ANKRD29: variants seen among roughly 807,000 people sequenced by gnomAD.
ANKRD29 encodes the protein ankyrin repeat domain 29.
In ANKRD29, 32 loss-of-function variants were observed where a neutral mutation model predicts 38.0. That is an observed-to-expected ratio of 0.84 (90% CI 0.64 to 1.13). ANKRD29 has a LOEUF of 1.13. Among genes scored for constraint, ANKRD29 ranks in the 50% most tolerant of loss-of-function variants. The pLI is 0.00. For synonymous variants in ANKRD29, 135 were observed against 152.4 expected (o/e 0.89, Z 0.84); for missense variants, 357 against 377.9 (o/e 0.94, Z 0.46).
Position 23,662,771 on chromosome 18 carries a change from CG to C in ANKRD29, c.-42del, listed in dbSNP as rs1458983108. On this transcript the variant is annotated 5_prime_UTR_variant, in exon 1 of 10. Transcript: ENST00000592179. ...AGCGGGAGCCGGCGCGCTTTGGGCC[CG>C]GGGCGCCTTGTCCTCCCCGGCCCTT... is the stretch of plus-strand genomic sequence containing the variant. 4.8e-6 allele frequency: 7 copies of C among 1,446,484 alleles called. No homozygotes were observed. The highest frequency in any genetic ancestry group is 6.4e-6 in the Non-Finnish European group (7 of 1,101,940). The allele number at this position is 1,446,484 out of a possible 1,614,324, so 89.6% of individuals were successfully genotyped here. A position where few individuals can be genotyped will look rare whatever the true frequency, so the allele number is the denominator to read the frequency against.
chr18:23,616,389 T>C (rs907127283), intron 8 of ANKRD29, among the ~76,000 whole-genome samples: 1 of 149,658 alleles, frequency 6.7e-6, no homozygotes, highest in African/African-American at 2.4e-5. Flanking sequence ...ATTAGATGGG[T>C]GCAGTGGTGT....
At chr18:23,644,513 A>T (rs2060114960) in intron 3 of ANKRD29, among the ~76,000 whole-genome samples, 1 of 152,244 alleles carries the variant, frequency 6.6e-6, no homozygotes, top group Non-Finnish European at 1.5e-5. Flanking sequence ...ATCTAGTGTT[A>T]TGGAAATTGC....
At chr18:23,653,846 C>T (rs1356108965) in intron 1 of ANKRD29, among the ~76,000 whole-genome samples, 2 of 151,832 alleles carry the variant, frequency 1.3e-5, no homozygotes, top group East Asian at 1.9e-4. Context: ...GCTGAGATTA[C>T]AGGCATGAGC....
intron 9 of ANKRD29, among the ~76,000 whole-genome samples, chr18:23,601,703 T>C (rs2059514460): frequency 6.6e-6 from 1 of 152,184 alleles, no homozygotes; most frequent in South Asian, 2.1e-4. Context: ...AGGGTCTTGC[T>C]CTGTCACCCA....
In ANKRD29 at chr18:23,654,618, CAAAAAAAAAAAAA is replaced by C. The variant is rs1167970950; in HGVS notation, c.22-5438_22-5426del. Among the ~76,000 whole-genome samples the C allele has an allele frequency of 5.1e-3, 255 of 50,396 alleles. 1 individual carries two copies. The highest frequency in any genetic ancestry group is 0.015 in the African/African-American group (238 of 15,998). The allele number at this position is 50,396 out of a possible 152,430, so 33.1% of individuals were successfully genotyped here. A position where few individuals can be genotyped will look rare whatever the true frequency, so the allele number is the denominator to read the frequency against. The stretch of plus-strand genomic sequence containing the variant: ...TGGGTGACAGAGCAAGACTCTGTCT[CAAAAAAAAAAAAA>C]AAAAAAAAAAAGTCTGATAGTCTGT... On this transcript the variant is annotated intron_variant, in intron 1 of 9. Transcript: ENST00000592179.
rs147363749 is a variant in ANKRD29, at chr18:23,635,053, C to T, written c.331-904G>A. On this transcript the variant is annotated intron_variant, in intron 4 of 9. Coordinates refer to ENST00000592179, the MANE Select transcript of ANKRD29 (RefSeq NM_173505.4). ...CTTAGTATTTTCCTTTTAACATGTG[C>T]CAATTTGTCCAGGGCTCTTTAAAAG... Among the ~76,000 whole-genome samples, 117 of 152,274 alleles carry T rather than the reference C, an allele frequency of 7.7e-4. 2 individuals carry two copies. Among genetic ancestry groups the T allele is most frequent in the Non-Finnish European group, 1.5e-3 (102 of 68,030 alleles).
chr18:23,634,136 G>A lies in ANKRD29; in HGVS notation c.344C>T (p.Ala115Val). Reference sequence around the variant, plus strand: ...CCCGTACTGACTGGCAGCCAACAGGGCGGTGCCCCCGTCCTATGGACATGC... The same window carrying A: ...CCCGTACTGACTGGCAGCCAACAGGACGGTGCCCCCGTCCTATGGACATGC... ...TEFRTKDGGT[A>V]LLAASQYGHM... Residue 115 changes from alanine to valine, a missense_variant, in exon 5 of 10, where the codon GCC becomes GTC. Ala to Val is a moderately conservative substitution (Grantham distance 64). Coordinates refer to ENST00000592179, the MANE Select transcript of ANKRD29 (RefSeq NM_173505.4). 1 of 1,614,184 alleles carries A rather than the reference G, an allele frequency of 6.2e-7. No homozygotes were observed. Among genetic ancestry groups the A allele is most frequent in the East Asian group, 2.2e-5 (1 of 44,888 alleles).
chr18:23,638,566 A>C (rs1343248325), intron 4 of ANKRD29, among the ~76,000 whole-genome samples: 1 of 152,196 alleles, frequency 6.6e-6, no homozygotes, highest in Admixed American at 6.5e-5. Context: ...TGGTTACAAA[A>C]TTTAGTGTTC....
At chr18:23,602,255 T>G (rs1244211287) in intron 9 of ANKRD29, among the ~76,000 whole-genome samples, 1 of 152,002 alleles carries the variant, frequency 6.6e-6, no homozygotes, top group African/African-American at 2.4e-5. Context: ...AGGCTGGTCT[T>G]GAACTCCTGA....
intron 8 of ANKRD29, among the ~76,000 whole-genome samples, chr18:23,614,883 G>A (rs1202785192): frequency 6.6e-6 from 1 of 152,128 alleles, no homozygotes; most frequent in Non-Finnish European, 1.5e-5. Flanking sequence ...ACTCTGAGAG[G>A]ACAGTCCTAA....
chr18:23,609,510 TC>T (rs34106759), intron 9 of ANKRD29, among the ~76,000 whole-genome samples: 1 of 152,148 alleles, frequency 6.6e-6, no homozygotes, highest in Non-Finnish European at 1.5e-5. Context: ...CCACTGCAAG[TC>T]CCCTGTCCTG....
chr18:23,655,982 A>G (rs2060276286), intron 1 of ANKRD29, among the ~76,000 whole-genome samples: 1 of 147,946 alleles, frequency 6.8e-6, no homozygotes, highest in African/African-American at 2.5e-5. Flanking sequence ...AGTCCCAGCT[A>G]CTCGGGAGGC....
chr18:23,638,477 A>T (rs889883588), intron 4 of ANKRD29, among the ~76,000 whole-genome samples: 2 of 152,184 alleles, frequency 1.3e-5, no homozygotes, highest in Non-Finnish European at 2.9e-5. Flanking sequence ...TTCCTATCAT[A>T]GTATCAGAAT....
At chr18:23,632,777 A>G (rs942962397) in intron 5 of ANKRD29, among the ~76,000 whole-genome samples, 1 of 152,126 alleles carries the variant, frequency 6.6e-6, no homozygotes, top group African/African-American at 2.4e-5. Flanking sequence ...TTAGATCATT[A>G]TCAAGTAATT....
intron 9 of ANKRD29, among the ~76,000 whole-genome samples, chr18:23,604,299 G>A (rs902327707): frequency 7.2e-5 from 11 of 152,174 alleles, no homozygotes; most frequent in African/African-American, 2.7e-4. Flanking sequence ...CTTTCCCTGA[G>A]AGGTTGACTT....
chr18:23,622,813 C>G (rs149563944), intron 6 of ANKRD29, among the ~76,000 whole-genome samples: 1 of 152,196 alleles, frequency 6.6e-6, no homozygotes, highest in Non-Finnish European at 1.5e-5. Flanking sequence ...GTGATCCACC[C>G]GCCTTGGTCT....
At chr18:23,655,404 T>C (rs1027441318) in intron 1 of ANKRD29, among the ~76,000 whole-genome samples, 1 of 152,204 alleles carries the variant, frequency 6.6e-6, no homozygotes, top group Non-Finnish European at 1.5e-5. Context: ...TATAGTATCA[T>C]ATGACAGCAG....
chr18:23,656,304 C>G (rs2060283369), intron 1 of ANKRD29, among the ~76,000 whole-genome samples: 1 of 151,968 alleles, frequency 6.6e-6, no homozygotes, highest in Non-Finnish European at 1.5e-5. Context: ...TACATTGATT[C>G]TGAATCATCA....
At chr18:23,637,604 C>T (rs1479108026) in intron 4 of ANKRD29, among the ~76,000 whole-genome samples, 1 of 151,972 alleles carries the variant, frequency 6.6e-6, no homozygotes, top group African/African-American at 2.4e-5. Flanking sequence ...CGCTTTGTTG[C>T]CCAGGCTGGT....
Sources: allele counts gnomAD v4.1 joint callset (sites outside exome capture counted in the v4.1 genomes callset), GRCh38; gene constraint gnomAD v4.1.1; transcripts MANE v1.5; gene names NCBI Gene and HGNC (gene_info 2026-07-23, HGNC 2026-07-21).